GABBR2: variants seen among roughly 807,000 people sequenced by gnomAD.
The protein encoded by GABBR2 is G-protein coupled receptor 51.
GABBR2 carries 23 observed loss-of-function variants against 105.6 expected under a neutral mutation model. The observed-to-expected ratio is 0.22, with a 90% CI of 0.16 to 0.31. GABBR2 has a LOEUF of 0.31. Ranked by LOEUF, GABBR2 falls within the 10% of genes least tolerant of loss-of-function variation. The pLI is 1.00. For missense variants in GABBR2, 734 were observed against 1,245.5 expected (o/e 0.59, Z 6.18); for synonymous variants, 478 against 499.7 (o/e 0.96, Z 0.58).
At chr9:98,336,388 A>G (rs1240147029) in intron 13 of GABBR2, among the ~76,000 whole-genome samples, 2 of 152,238 alleles carry the variant, frequency 1.3e-5, no homozygotes, top group East Asian at 3.8e-4. Flanking sequence ...TAAGTGCAAA[A>G]TAGTAAGATA....
intron 17 of GABBR2, 143 bp downstream of exon 17, chr9:98,299,081 G>T: frequency 1.4e-6 from 1 of 729,086 alleles, no homozygotes; most frequent in Non-Finnish European, 2.4e-6. Flanking sequence ...AGAGGTTCCA[G>T]ATGCTCCAGC....
At chr9:98,523,557 C>T (rs1419050572) in intron 3 of GABBR2, among the ~76,000 whole-genome samples, 1 of 152,154 alleles carries the variant, frequency 6.6e-6, no homozygotes, top group Non-Finnish European at 1.5e-5. Context: ...AAGAGGAACC[C>T]TCTCTGACCT....
intron 9 of GABBR2, 31 bp downstream of exon 9, chr9:98,394,144 C>G: frequency 6.7e-7 from 1 of 1,496,184 alleles, no homozygotes; most frequent in Non-Finnish European, 9.3e-7. Context: ...ACTGGGCAGG[C>G]CCCCTCCTCT....
rs763986536 is a variant in GABBR2, at chr9:98,311,120, A to G, written c.1979T>C (p.Val660Ala). 1.9e-6 allele frequency: 3 copies of G among 1,608,194 alleles called. No individual in the cohort carries two copies. Among genetic ancestry groups the G allele is most frequent in the East Asian group, 2.2e-5 (1 of 44,866 alleles). The change falls in exon 14 of 19, where the codon GTC (valine) becomes GCC (alanine). Residue 660 changes from valine (V) to alanine (A), a missense_variant. This residue lies in a region of GABBR2 where 52 missense variants were observed against 81.3 expected (regional missense o/e 0.64). Coordinates refer to ENST00000259455, the MANE Select transcript of GABBR2 (RefSeq NM_005458.8). ...NTHMTIWLGI[V>A]YAYKGLLMLF... ...CATGAGAAGTCCCTTGTAGGCATAG[A>G]CGATGCCAAGCCAGATGGTCATATG...
intron 8 of GABBR2, among the ~76,000 whole-genome samples, chr9:98,395,034 A>C (rs1832262194): frequency 6.6e-6 from 1 of 151,388 alleles, no homozygotes; most frequent in Non-Finnish European, 1.5e-5. Context: ...ATTCAAATTT[A>C]CTCTCAACCT....
rs117604194 is a variant in GABBR2 at position 98,446,772 on chromosome 9, C to T, written c.1236+7209G>A. Reference sequence around the variant, plus strand: ...TAGGAAACCGTGGGGTGGCATTGGACGCTAGCATGGGGTCACTGGAACAAG... The same window carrying T: ...TAGGAAACCGTGGGGTGGCATTGGATGCTAGCATGGGGTCACTGGAACAAG... On this transcript the variant is annotated intron_variant, in intron 7 of 18. Coordinates refer to ENST00000259455, the MANE Select transcript of GABBR2 (RefSeq NM_005458.8). Among the ~76,000 whole-genome samples, 1,316 of 152,234 alleles carry T rather than the reference C, an allele frequency of 8.6e-3. 14 individuals are homozygous for T. The highest frequency in any genetic ancestry group is 0.017 in the Middle Eastern group (5 of 294).
intron 12 of GABBR2, among the ~76,000 whole-genome samples, chr9:98,366,881 G>A (rs764562031): frequency 7.9e-5 from 12 of 152,142 alleles, no homozygotes; most frequent in Non-Finnish European, 1.3e-4. Context: ...TCCTCAAAAA[G>A]CATCTGCCCC....
intron 2 of GABBR2, 56 bp from the exon 3 acceptor site, chr9:98,542,099 C>A: frequency 6.9e-7 from 1 of 1,454,298 alleles, no homozygotes; most frequent in South Asian, 1.2e-5. Flanking sequence ...AGCTGTGACC[C>A]AGCATCTTTC....
intron 3 of GABBR2, among the ~76,000 whole-genome samples, chr9:98,535,589 T>C (rs1050352762): frequency 3.9e-5 from 6 of 152,088 alleles, no homozygotes; most frequent in Non-Finnish European, 5.9e-5. Context: ...ATGCAAACAC[T>C]ACACCATTTT....
intron 4 of GABBR2, among the ~76,000 whole-genome samples, chr9:98,487,782 C>T (rs992130132): frequency 2.6e-5 from 4 of 151,944 alleles, no homozygotes; most frequent in Admixed American, 2.0e-4. Context: ...TGTCCCCACT[C>T]CCCCAGTCCC....
intron 2 of GABBR2, among the ~76,000 whole-genome samples, chr9:98,560,216 C>G (rs1282319715): frequency 6.6e-6 from 1 of 151,994 alleles, no homozygotes; most frequent in East Asian, 1.9e-4. Context: ...AAAAAATCAA[C>G]CCCTAAACAG....
chr9:98,649,997 G>GT (rs1376909043), intron 1 of GABBR2, among the ~76,000 whole-genome samples: 1 of 152,190 alleles, frequency 6.6e-6, no homozygotes, highest in African/African-American at 2.4e-5. Flanking sequence ...ACTGACTTCA[G>GT]TGAGAGCTAT....
At chr9:98,437,237 A>G (rs2131582315) in intron 7 of GABBR2, among the ~76,000 whole-genome samples, 1 of 152,252 alleles carries the variant, frequency 6.6e-6, no homozygotes, top group South Asian at 2.1e-4. Flanking sequence ...AATGCAGCAG[A>G]CACATGAACT....
At chr9:98,438,559 T>C (rs1022010900) in intron 7 of GABBR2, among the ~76,000 whole-genome samples, 6 of 152,238 alleles carry the variant, frequency 3.9e-5, no homozygotes, top group Non-Finnish European at 7.3e-5. Context: ...TAGTAGAAGT[T>C]AATTCATGCA....
At chr9:98,352,248 T>A (rs1831411841) in intron 13 of GABBR2, among the ~76,000 whole-genome samples, 1 of 152,210 alleles carries the variant, frequency 6.6e-6, no homozygotes, top group Non-Finnish European at 1.5e-5. Context: ...AGTTGTCTAC[T>A]GGGTGTGCCA....
chr9:98,301,171 T>C (rs1272266500), intron 16 of GABBR2, among the ~76,000 whole-genome samples: 1 of 152,192 alleles, frequency 6.6e-6, no homozygotes. Flanking sequence ...GAGTCCCAAC[T>C]TGAAGCTGGC....
chr9:98,603,883 A>T (rs1829376735), intron 1 of GABBR2, among the ~76,000 whole-genome samples: 1 of 152,192 alleles, frequency 6.6e-6, no homozygotes, highest in Non-Finnish European at 1.5e-5. Context: ...GCTCTGGTTC[A>T]CTAAACCCCA....
intron 7 of GABBR2, among the ~76,000 whole-genome samples, chr9:98,420,926 A>G (rs1832771555): frequency 6.6e-6 from 1 of 152,238 alleles, no homozygotes. Flanking sequence ...AAAGGCCTGT[A>G]GCAAAGTCAC....
Position 98,289,631 on chromosome 9 carries a change from A to G in GABBR2, c.*953T>C, listed in dbSNP as rs1830256949. ...ATTCACTTTGGTCAGAAACAAAGTT[A>G]GTGGGAAAAAAAAAAAAAAAATCCC... On this transcript the variant is annotated 3_prime_UTR_variant, in exon 19 of 19. Transcript: ENST00000259455. 1 of 128,174 alleles carries G rather than the reference A, an allele frequency of 7.8e-6. No individual in the cohort carries two copies. The highest frequency in any genetic ancestry group is 1.6e-5 in the Non-Finnish European group (1 of 62,854). 7.9% of individuals were successfully genotyped at this position (128,174 alleles called of 1,614,324 possible).
Sources: allele counts gnomAD v4.1 joint callset (sites outside exome capture counted in the v4.1 genomes callset), GRCh38; gene constraint gnomAD v4.1.1; regional missense constraint gnomAD v4.1.1; transcripts MANE v1.5; gene names NCBI Gene and HGNC (gene_info 2026-07-23, HGNC 2026-07-21).